POLR3GL: variants seen among roughly 807,000 people sequenced by gnomAD.
The protein encoded by POLR3GL is RNA polymerase III subunit GL.
In POLR3GL, 26 loss-of-function variants were observed where a neutral mutation model predicts 32.4. That is an observed-to-expected ratio of 0.80 (90% CI 0.59 to 1.11). POLR3GL has a LOEUF of 1.11. Ranked by LOEUF, POLR3GL falls within the 50% of genes most tolerant of loss-of-function variation. The pLI is 0.00. For synonymous variants in POLR3GL, 95 were observed against 98.7 expected (o/e 0.96, Z 0.22); for missense variants, 229 against 280.1 (o/e 0.82, Z 1.30).
At chr1:145,966,770 CAA>C (rs782238839) in intron 1 of POLR3GL, among the ~76,000 whole-genome samples, 2 of 150,502 alleles carry the variant, frequency 1.3e-5, no homozygotes, top group Non-Finnish European at 3.0e-5. Flanking sequence ...GCCTGGACGA[CAA>C]GAGTGAAACT....
Position 145,975,413 on chromosome 1 carries a change from T to C in POLR3GL, c.233T>C (p.Ile78Thr). Residue 78 changes from isoleucine (I) to threonine (T), a missense_variant, in exon 3 of 8, where the codon ATC (isoleucine) becomes ACC (threonine). Transcript: ENST00000369314. ...GCCATGAGGCAGCTCCCCTACTTCA[T>C]CCGGCCAGCTGTCCCCAAGAGAGGT... ...RGAMRQLPYF[I>T]RPAVPKRDVE... 6.2e-7 allele frequency: 1 copy of C among 1,614,028 alleles called. No homozygotes were observed. Among genetic ancestry groups the C allele is most frequent in the Non-Finnish European group, 8.5e-7 (1 of 1,179,892 alleles).
intron 3 of POLR3GL, among the ~76,000 whole-genome samples, 197 bp downstream of exon 3, chr1:145,975,633 G>A (rs1412483776): frequency 6.6e-6 from 1 of 152,252 alleles, no homozygotes; most frequent in South Asian, 2.1e-4. Context: ...GACAGCAGGA[G>A]GTTAAATATT....
chr1:145,976,212 G>A lies in POLR3GL; in HGVS notation c.256+776G>A, dbSNP rs1650547261. Among the ~76,000 whole-genome samples, 12 of 152,132 alleles carry A rather than the reference G, an allele frequency of 7.9e-5. No individual in the cohort carries two copies. The South Asian group carries it at 2.5e-3, about 32-fold the overall frequency. The stretch of plus-strand genomic sequence containing the variant: ...TGAGGCATGAGAATCGCTTGAACCT[G>A]GGAGGTGGAGGTTGCAGTGAGCTGA... On this transcript the variant is annotated intron_variant, in intron 3 of 7. Transcript: ENST00000369314.
intron 2 of POLR3GL, 151 bp downstream of exon 2, chr1:145,975,142 T>G: frequency 4.6e-6 from 6 of 1,312,026 alleles, no homozygotes; most frequent in Non-Finnish European, 6.2e-6. Flanking sequence ...GGCAAAGAAG[T>G]GTCCACCTTT....
rs782543756 is a variant in POLR3GL, at chr1:145,977,824, T to A, written c.429T>A (p.Asp143Glu). The A allele has an allele frequency of 2.5e-6, 4 of 1,613,828 alleles. No individual in the cohort carries two copies. In the Admixed American group the frequency reaches 5.0e-5, roughly 20 times the overall value. ...AGAGGCCCCCTAAGACCACAGAAGA[T>A]AAGGAGGAAACAATACAGAAACTAG... ...LPKRPPKTTE[D>E]KEETIQKLET... Residue 143 changes from aspartate (D) to glutamate (E), a missense_variant, in exon 6 of 8, where the codon GAT becomes GAA. Transcript: ENST00000369314.
intron 1 of POLR3GL, among the ~76,000 whole-genome samples, chr1:145,972,409 T>G (rs1570995424): frequency 6.6e-6 from 1 of 151,618 alleles, no homozygotes; most frequent in Non-Finnish European, 1.5e-5. Context: ...TGGGGAGTTA[T>G]GCTCCCCTGC....
chr1:145,975,017 A>G (rs1553763193), intron 2 of POLR3GL, 26 bp downstream of exon 2: 3 of 1,502,248 alleles, frequency 2.0e-6, no homozygotes, highest in Middle Eastern at 1.8e-4. Flanking sequence ...CCCTTCCCAG[A>G]CTCTCATGTG....
intron 1 of POLR3GL, among the ~76,000 whole-genome samples, chr1:145,974,238 A>G (rs1650450872): frequency 6.6e-6 from 1 of 152,262 alleles, no homozygotes; most frequent in South Asian, 2.1e-4. Context: ...CTGACACACT[A>G]TCTTTTTCAT....
intron 5 of POLR3GL, 46 bp from the exon 6 acceptor site, chr1:145,977,732 G>A (rs1553763704): frequency 6.3e-7 from 1 of 1,583,242 alleles, no homozygotes; most frequent in Non-Finnish European, 8.7e-7. Context: ...CTATAAAGCT[G>A]GCAAAATTTG....
intron 1 of POLR3GL, among the ~76,000 whole-genome samples, chr1:145,968,222 T>C (rs1353914628): frequency 6.6e-6 from 1 of 152,206 alleles, no homozygotes; most frequent in Non-Finnish European, 1.5e-5. Flanking sequence ...ATGGGAGACC[T>C]TAAGTATCCT....
At position 145,978,557 on chromosome 1, in the gene POLR3GL, C is replaced by G. The variant is rs1393765595; in HGVS notation, c.*110C>G. On this transcript the variant is annotated 3_prime_UTR_variant, in exon 8 of 8. Transcript: ENST00000369314. ...TTTGGTCAGAGTTCATATAATCTGTCTGTTCCCTGGAGATGGGAATAGAGG... is the reference window on the plus strand; with the variant it reads ...TTTGGTCAGAGTTCATATAATCTGTGTGTTCCCTGGAGATGGGAATAGAGG... 6.6e-6 allele frequency: 5 copies of G among 762,088 alleles called. No homozygotes were observed. Among genetic ancestry groups the G allele is most frequent in the Non-Finnish European group, 1.1e-5 (5 of 436,238 alleles). The allele number at this position is 762,088 out of a possible 1,614,324, so 47.2% of individuals were successfully genotyped here. A position where few individuals can be genotyped will look rare whatever the true frequency, so the allele number is the denominator to read the frequency against.
intron 1 of POLR3GL, among the ~76,000 whole-genome samples, chr1:145,974,608 C>G (rs1650464762): frequency 6.6e-6 from 1 of 152,160 alleles, no homozygotes; most frequent in South Asian, 2.1e-4. Context: ...TTGTGCTAAA[C>G]TATATTGTAA....
chr1:145,971,588 G>A (rs1446297439), intron 1 of POLR3GL, among the ~76,000 whole-genome samples: 2 of 152,144 alleles, frequency 1.3e-5, no homozygotes, highest in Non-Finnish European at 2.9e-5. Flanking sequence ...TGATTTATGA[G>A]TACTGATGCT....
intron 1 of POLR3GL, among the ~76,000 whole-genome samples, chr1:145,972,147 G>A (rs892353911): frequency 4.7e-5 from 7 of 150,536 alleles, no homozygotes; most frequent in African/African-American, 1.2e-4. Context: ...TTGGGAGGCC[G>A]AGGTGGGTGG....
intron 1 of POLR3GL, among the ~76,000 whole-genome samples, chr1:145,966,699 G>C (rs1553762111): frequency 6.6e-6 from 1 of 151,874 alleles, no homozygotes; most frequent in African/African-American, 2.4e-5. Flanking sequence ...TGAGGCAGGA[G>C]AATCACTTGA....
intron 1 of POLR3GL, among the ~76,000 whole-genome samples, chr1:145,970,498 A>G (rs1213609372): frequency 6.6e-6 from 1 of 151,954 alleles, no homozygotes; most frequent in African/African-American, 2.4e-5. Context: ...TATATATTTT[A>G]GAACAATTTA....
intron 1 of POLR3GL, among the ~76,000 whole-genome samples, chr1:145,967,732 C>T (rs1226500667): frequency 6.6e-6 from 1 of 152,168 alleles, no homozygotes; most frequent in Non-Finnish European, 1.5e-5. Flanking sequence ...GCTGATGCCT[C>T]CACTGGAATG....
At chr1:145,978,245 A>T in intron 7 of POLR3GL, 116 bp from the exon 8 acceptor site, 1 of 1,292,144 alleles carries the variant, frequency 7.7e-7, no homozygotes, top group Non-Finnish European at 1.1e-6. Flanking sequence ...TCTACAAACT[A>T]CAGCTGGAAG....
intron 1 of POLR3GL, among the ~76,000 whole-genome samples, chr1:145,969,190 C>T (rs1208770610): frequency 6.6e-6 from 1 of 152,166 alleles, no homozygotes; most frequent in Non-Finnish European, 1.5e-5. Context: ...CCTCGACTGC[C>T]TGGGCCCAAG....
Sources: allele counts gnomAD v4.1 joint callset (sites outside exome capture counted in the v4.1 genomes callset), GRCh38; gene constraint gnomAD v4.1.1; transcripts MANE v1.5; gene names NCBI Gene and HGNC (gene_info 2026-07-23, HGNC 2026-07-21).